The following CCDC171 variants were observed in gnomAD, a reference collection of about 807,000 sequenced individuals.
CCDC171 encodes the protein coiled-coil domain containing 171.
Under a neutral mutation model 168.2 loss-of-function variants are expected in CCDC171, and 177 were observed. The ratio of observed to expected loss-of-function variants is 1.05; its 90% CI spans 0.93 to 1.19. CCDC171 has a LOEUF of 1.19. Ranked by LOEUF, CCDC171 falls within the 50% of genes most tolerant of loss-of-function variation. CCDC171 has a pLI of 0.00. For missense variants in CCDC171, 1,991 were observed against 1,539.0 expected (o/e 1.29, Z -4.91); for synonymous variants, 687 against 540.8 (o/e 1.27, Z -3.75).
chr9:15,774,821 G>C (rs968165306), intron 18 of CCDC171, among the ~76,000 whole-genome samples: 2 of 152,154 alleles, frequency 1.3e-5, no homozygotes, highest in Non-Finnish European at 2.9e-5. Context: ...GGATTGAATT[G>C]GAGACCATTA....
At chr9:15,903,732 C>T (rs1036845221) in intron 24 of CCDC171, among the ~76,000 whole-genome samples, 5 of 152,118 alleles carry the variant, frequency 3.3e-5, no homozygotes, top group Non-Finnish European at 7.3e-5. Flanking sequence ...CTACTCCGAG[C>T]TAAAGGAGGA....
chr9:15,701,577 ATTTTTTTT>A (rs71304894), intron 11 of CCDC171, among the ~76,000 whole-genome samples: 1 of 122,104 alleles, frequency 8.2e-6, no homozygotes, highest in South Asian at 2.6e-4. Context: ...GTACAATTCC[ATTTTTTTT>A]TTTTTTTTTT....
At chr9:15,746,885 A>G (rs1278056917) in intron 18 of CCDC171, among the ~76,000 whole-genome samples, 4 of 152,194 alleles carry the variant, frequency 2.6e-5, no homozygotes, top group Middle Eastern at 3.2e-3. Flanking sequence ...GAGGAATGGT[A>G]CACTTCTGCT....
chr9:15,770,840 A>G (rs914056158), intron 18 of CCDC171, among the ~76,000 whole-genome samples: 1 of 152,208 alleles, frequency 6.6e-6, no homozygotes. Context: ...GAAAGTAAAA[A>G]TCACTCAAAG....
chr9:15,585,584 G>C (rs1029842490), intron 4 of CCDC171, among the ~76,000 whole-genome samples: 10 of 152,142 alleles, frequency 6.6e-5, no homozygotes, highest in African/African-American at 2.2e-4. Flanking sequence ...CTGCAGGGTG[G>C]GTTGGCAGTG....
chr9:15,989,172 A>G (rs968136287), intron 3 of CCDC171, among the ~76,000 whole-genome samples: 1 of 152,204 alleles, frequency 6.6e-6, no homozygotes, highest in South Asian at 2.1e-4. Flanking sequence ...ACTGGGAGGC[A>G]TCCCCCAGTA....
intron 8 of CCDC171, among the ~76,000 whole-genome samples, chr9:15,665,679 G>A (rs1276626096): frequency 6.6e-6 from 1 of 152,202 alleles, no homozygotes; most frequent in Non-Finnish European, 1.5e-5. Flanking sequence ...TACTTGAGAA[G>A]CTGAGGTGGG....
chr9:15,667,354 A>G (rs1437589993), intron 9 of CCDC171, among the ~76,000 whole-genome samples: 1 of 152,134 alleles, frequency 6.6e-6, no homozygotes, highest in Non-Finnish European at 1.5e-5. Flanking sequence ...CCCTTTTAAA[A>G]TGCTTTATTG....
At chr9:15,768,974 C>G (rs2056873909) in intron 18 of CCDC171, among the ~76,000 whole-genome samples, 2 of 152,180 alleles carry the variant, frequency 1.3e-5, no homozygotes, top group African/African-American at 2.4e-5. Flanking sequence ...TTTGTACAGT[C>G]TCACCTCCCA....
chr9:15,831,931 T>C (rs1416987490), intron 21 of CCDC171, among the ~76,000 whole-genome samples: 1 of 152,136 alleles, frequency 6.6e-6, no homozygotes, highest in Non-Finnish European at 1.5e-5. Flanking sequence ...AAGTCCCTTA[T>C]AGTTAGAGGG....
chr9:15,991,593 A>C (rs933387199), intron 3 of CCDC171, among the ~76,000 whole-genome samples: 1 of 152,228 alleles, frequency 6.6e-6, no homozygotes, highest in African/African-American at 2.4e-5. Flanking sequence ...GCAGAACTGA[A>C]GGAGATACAG....
chr9:15,818,131 A>G lies in CCDC171; in HGVS notation c.3268-28571A>G, dbSNP rs372280121. Reference sequence around the variant, plus strand: ...AACCCCAACAGACCTGCAGCTGAGGATCCTGACTGTTAGAAGGAAAACTAA... The same window carrying G: ...AACCCCAACAGACCTGCAGCTGAGGGTCCTGACTGTTAGAAGGAAAACTAA... On this transcript the variant is annotated intron_variant, in intron 21 of 25. Transcript: ENST00000380701. 3.4e-5 allele frequency among the ~76,000 whole-genome samples: 4 copies of G among 117,940 alleles called. 1 individual carries two copies. Among genetic ancestry groups the G allele is most frequent in the African/African-American group, 6.4e-5 (2 of 31,364 alleles). The allele number at this position is 117,940 out of a possible 152,430, so 77.4% of individuals were successfully genotyped here.
At chr9:15,778,289 G>A (rs947038487) in intron 19 of CCDC171, among the ~76,000 whole-genome samples, 1 of 119,876 alleles carries the variant, frequency 8.3e-6, no homozygotes, top group African/African-American at 3.1e-5. Flanking sequence ...AGTCTGGCCT[G>A]GGCGACAGAG....
chr9:15,831,883 C>A (rs527908809), intron 21 of CCDC171, among the ~76,000 whole-genome samples: 1 of 151,810 alleles, frequency 6.6e-6, no homozygotes, highest in African/African-American at 2.4e-5. Flanking sequence ...TATGACCTTT[C>A]TTGGTTTCTT....
At position 15,787,043 on chromosome 9, in the gene CCDC171, A is replaced by T. The variant is rs116546945; in HGVS notation, c.3267+2349A>T. On this transcript the variant is annotated intron_variant, in intron 21 of 25. Coordinates refer to ENST00000380701, the MANE Select transcript of CCDC171 (RefSeq NM_173550.4). ...CCTGTTTAGGTGGTCTTCTATATGG[A>T]CACGCGTGACAGTATCATCATTTCC... Among the ~76,000 whole-genome samples, 1,465 of 152,154 alleles carry T rather than the reference A, an allele frequency of 9.6e-3. 27 individuals are homozygous for T. Among genetic ancestry groups the T allele is most frequent in the African/African-American group, 0.034 (1,400 of 41,512 alleles).
intron 24 of CCDC171, among the ~76,000 whole-genome samples, chr9:15,880,549 C>T (rs1358553834): frequency 1.2e-4 from 18 of 151,350 alleles, no homozygotes; most frequent in Middle Eastern, 3.5e-3. Context: ...CTCCCGCAAC[C>T]GGGTTCAAGC....
chr9:15,833,252 A>G (rs2060309349), intron 21 of CCDC171, among the ~76,000 whole-genome samples: 2 of 152,100 alleles, frequency 1.3e-5, no homozygotes, highest in African/African-American at 4.8e-5. Context: ...TCGGCCTCCC[A>G]AAGTGCTGGG....
At chr9:15,789,874 A>G (rs1431656962) in intron 21 of CCDC171, among the ~76,000 whole-genome samples, 1 of 150,994 alleles carries the variant, frequency 6.6e-6, no homozygotes. Context: ...TCCCTGCAAT[A>G]GTTTGCTGAG....
chr9:15,917,462 A>G (rs1202673299), intron 24 of CCDC171, among the ~76,000 whole-genome samples: 1 of 147,320 alleles, frequency 6.8e-6, no homozygotes, highest in African/African-American at 2.4e-5. Context: ...CCTAAGAAAA[A>G]TTGGATTATT....
Sources: gnomAD v4.1 joint callset for allele counts (sites outside exome capture counted in the v4.1 genomes callset) on GRCh38, gnomAD v4.1.1 for gene constraint, MANE v1.5 for transcripts, NCBI Gene and HGNC (gene_info 2026-07-23, HGNC 2026-07-21) for gene names.